OSBPL9: variants seen among roughly 807,000 people sequenced by gnomAD.
The protein encoded by OSBPL9 is oxysterol-binding protein-related protein 9.
A neutral mutation model predicts 106.6 loss-of-function variants in OSBPL9; 40 were observed. The ratio of observed to expected loss-of-function variants is 0.38; its 90% confidence interval spans 0.29 to 0.49. OSBPL9 has a LOEUF of 0.49. OSBPL9 is among the 20% of genes least tolerant of loss of function. The pLI, the probability that OSBPL9 is intolerant of heterozygous loss-of-function variation, is 0.97. For missense variants in OSBPL9, 609 were observed against 887.2 expected, an observed-to-expected ratio of 0.69 and a Z score of 3.98; for synonymous variants, 269 against 295.4, an observed-to-expected ratio of 0.91 and a Z score of 0.92.
intron 1 of OSBPL9, among the ~76,000 whole-genome samples, chr1:51,646,681 G>T (rs568657361): frequency 5.1e-4 from 77 of 152,174 alleles, no homozygotes; most frequent in South Asian, 1.5e-3. Context: ...GGGACTACAG[G>T]CGCCCACCAC....
chr1:51,638,060 GAT>G (rs1224601202), intron 1 of OSBPL9, among the ~76,000 whole-genome samples: 2 of 152,152 alleles, frequency 1.3e-5, no homozygotes, highest in East Asian at 1.9e-4. Flanking sequence ...TCTCTGTTTT[GAT>G]ATATGTCTCT....
At chr1:51,668,440 G>A (rs1169436040) in intron 2 of OSBPL9, among the ~76,000 whole-genome samples, 2 of 152,088 alleles carry the variant, frequency 1.3e-5, no homozygotes, top group Non-Finnish European at 2.9e-5. Context: ...TGGCCAACAA[G>A]GTGAAACCCT....
intron 23 of OSBPL9, 57 bp from the exon 24 acceptor site, chr1:51,787,658 T>C (rs1480088996): frequency 6.3e-7 from 1 of 1,597,100 alleles, no homozygotes; most frequent in Non-Finnish European, 8.6e-7. Context: ...AAATAGTAAG[T>C]ATATTACAGA....
chr1:51,595,649 A>G (rs1160564543), intron 1 of OSBPL9, among the ~76,000 whole-genome samples: 2 of 152,222 alleles, frequency 1.3e-5, no homozygotes, highest in African/African-American at 2.4e-5. Flanking sequence ...CAACAACTCC[A>G]TACTGTACAA....
intron 2 of OSBPL9, among the ~76,000 whole-genome samples, chr1:51,653,506 G>A (rs1469072563): frequency 6.6e-6 from 1 of 152,134 alleles, no homozygotes; most frequent in Non-Finnish European, 1.5e-5. Flanking sequence ...ACCACCTTAA[G>A]AAATAGAATT....
chr1:51,618,848 A>T (rs1557591757), intron 1 of OSBPL9, among the ~76,000 whole-genome samples: 1 of 152,238 alleles, frequency 6.6e-6, no homozygotes, highest in Non-Finnish European at 1.5e-5. Flanking sequence ...TGGAATCAGG[A>T]TGCCAAATTA....
intron 3 of OSBPL9, among the ~76,000 whole-genome samples, chr1:51,682,299 T>G (rs1652738152): frequency 6.6e-6 from 1 of 152,192 alleles, no homozygotes; most frequent in South Asian, 2.1e-4. Context: ...AATCCACGGA[T>G]GCAGAACCTG....
In OSBPL9 at chr1:51,667,937, A is replaced by G. The variant is rs116262781; in HGVS notation, c.163-1497A>G. 5.7e-3 allele frequency among the ~76,000 whole-genome samples: 870 copies of G among 152,326 alleles called. 2 individuals carry two copies. Among genetic ancestry groups the G allele is most frequent in the African/African-American group, 0.02 (825 of 41,564 alleles). On this transcript the variant is annotated intron_variant, in intron 2 of 23. Coordinates refer to ENST00000428468, the MANE Select transcript of OSBPL9 (RefSeq NM_024586.6). Reference sequence around the variant, plus strand: ...CCTACCCCATCTGACACTGAGGAATAAGTAAAGTAATTCAAGTAGGTGGAA... The same window carrying G: ...CCTACCCCATCTGACACTGAGGAATGAGTAAAGTAATTCAAGTAGGTGGAA...
chr1:51,578,001 G>C (rs1645196546), intron 1 of OSBPL9, among the ~76,000 whole-genome samples: 1 of 152,160 alleles, frequency 6.6e-6, no homozygotes, highest in Admixed American at 6.5e-5. Context: ...GCACTTCACG[G>C]TCTGTAATTA....
At chr1:51,682,499 C>G (rs1287285660) in intron 3 of OSBPL9, among the ~76,000 whole-genome samples, 1 of 152,248 alleles carries the variant, frequency 6.6e-6, no homozygotes. Context: ...GTGTCTCACA[C>G]CTGTAATCCC....
the OSBPL9 span, among the ~76,000 whole-genome samples, chr1:51,545,567 C>G: frequency 6.6e-6 from 1 of 151,922 alleles, no homozygotes; most frequent in East Asian, 1.9e-4. Context: ...TAACTTAAGG[C>G]CAGGAGTTCA....
intron 4 of OSBPL9, among the ~76,000 whole-genome samples, chr1:51,715,419 A>C (rs1660853416): frequency 6.6e-6 from 1 of 152,110 alleles, no homozygotes; most frequent in South Asian, 2.1e-4. Flanking sequence ...GAGGAGGATA[A>C]GTGTTTTTTG....
At chr1:51,595,066 A>G (rs527946239) in intron 1 of OSBPL9, among the ~76,000 whole-genome samples, 2 of 152,260 alleles carry the variant, frequency 1.3e-5, no homozygotes, top group South Asian at 4.1e-4. Context: ...GCGGGGGCTG[A>G]GATCACCTGC....
At chr1:51,596,045 C>T (rs1645297669) in intron 1 of OSBPL9, among the ~76,000 whole-genome samples, 1 of 151,688 alleles carries the variant, frequency 6.6e-6, no homozygotes, top group South Asian at 2.1e-4. Flanking sequence ...TCACCTGAGG[C>T]CAGGAGTTTG....
At chr1:51,684,037 T>C (rs751092506) in intron 3 of OSBPL9, among the ~76,000 whole-genome samples, 1 of 152,168 alleles carries the variant, frequency 6.6e-6, no homozygotes, top group Non-Finnish European at 1.5e-5. Context: ...AGGGTCTTGC[T>C]GTGTCACCGA....
the OSBPL9 span, among the ~76,000 whole-genome samples, chr1:51,555,987 T>C: frequency 1.3e-5 from 2 of 152,228 alleles, no homozygotes; most frequent in African/African-American, 4.8e-5. Flanking sequence ...ATATTTTCCA[T>C]GTTTGTTTAT....
intron 4 of OSBPL9, among the ~76,000 whole-genome samples, chr1:51,727,546 T>G (rs901899885): frequency 6.6e-6 from 1 of 152,226 alleles, no homozygotes; most frequent in Non-Finnish European, 1.5e-5. Context: ...CAGTGGTTCA[T>G]GGGATTGACT....
the OSBPL9 span, among the ~76,000 whole-genome samples, chr1:51,564,718 C>T: frequency 6.6e-6 from 1 of 152,174 alleles, no homozygotes; most frequent in South Asian, 2.1e-4. Flanking sequence ...TTTTATGATT[C>T]CTAAGACAGA....
rs993169298 is a variant in OSBPL9, at chr1:51,788,171, CATATAT to C, written c.*386_*391del. The stretch of plus-strand genomic sequence containing the variant: ...ATCTCGGGATACACACACACACACA[CATATAT>C]ATACACACACATACGTATACACACA... On this transcript the variant is annotated 3_prime_UTR_variant, in exon 24 of 24. Transcript: ENST00000428468. 1.7e-4 allele frequency: 34 copies of C among 202,736 alleles called. No homozygotes were observed. Among genetic ancestry groups the C allele is most frequent in the African/African-American group, 7.5e-4 (32 of 42,732 alleles). 12.6% of individuals were successfully genotyped at this position (202,736 alleles called of 1,614,324 possible). A position where few individuals can be genotyped will look rare whatever the true frequency, so the allele number is the denominator to read the frequency against.
Sources: allele counts gnomAD v4.1 joint callset (sites outside exome capture counted in the v4.1 genomes callset), GRCh38; gene constraint gnomAD v4.1.1; transcripts MANE v1.5; gene names NCBI Gene and HGNC (gene_info 2026-07-23, HGNC 2026-07-21).